TRPV3: variants seen among roughly 807,000 people sequenced by gnomAD.
The protein encoded by TRPV3 is transient receptor potential cation channel subfamily V member 3.
A neutral mutation model predicts 87.1 loss-of-function variants in TRPV3; 88 were observed. The observed-to-expected ratio is 1.01, with a 90% confidence interval of 0.85 to 1.21. TRPV3 has a LOEUF of 1.21. TRPV3 is among the 50% of genes most tolerant of loss of function. The probability of loss-of-function intolerance (pLI) is 0.00; values close to 1 mark genes in which losing one functional copy is unlikely to be tolerated. For synonymous variants in TRPV3, 438 were observed against 423.3 expected (o/e 1.03, Z -0.43); for missense variants, 1,054 against 1,030.1 (o/e 1.02, Z -0.32).
chr17:3,544,554 G>A (rs1295476661), intron 4 of TRPV3, 25 bp downstream of exon 4: 8 of 1,500,048 alleles, frequency 5.3e-6, no homozygotes, highest in Non-Finnish European at 1.8e-6. Context: ...GGGCACAGTG[G>A]GTGGAGGGGG....
At chr17:3,514,566 C>A in intron 17 of TRPV3, 27 bp downstream of exon 17, 2 of 1,555,406 alleles carry the variant, frequency 1.3e-6, no homozygotes. Context: ...CAGGAGCGGA[C>A]ACCATGTCAC....
intron 2 of TRPV3, among the ~76,000 whole-genome samples, chr17:3,551,660 C>G (rs1263254281): frequency 8.0e-6 from 1 of 124,436 alleles, no homozygotes; most frequent in Non-Finnish European, 2.0e-5. Flanking sequence ...CTCCATCAGT[C>G]TGTATCTCTG....
At chr17:3,544,538 C>G (rs1231757883) in intron 4 of TRPV3, 41 bp downstream of exon 4, 5 of 1,335,386 alleles carry the variant, frequency 3.7e-6, no homozygotes, top group Non-Finnish European at 5.3e-6. Flanking sequence ...CACCCCCAGC[C>G]TGGGTGGGCA....
rs2074487425 is a variant in TRPV3, at chr17:3,543,357, A to G, written c.466+117T>C. ...GGAGTCAAGTTCAAAGTCCCTAGCC[A>G]GAATTCAAGGCCCCTCACACTCCAG... On this transcript the variant is annotated intron_variant, in intron 5 of 17. Coordinates refer to ENST00000576742, the MANE Select transcript of TRPV3 (RefSeq NM_145068.4). 8 of 1,344,866 alleles carry G rather than the reference A, an allele frequency of 5.9e-6. No individual in the cohort carries two copies. The East Asian group carries it at 1.8e-4, about 31-fold the overall frequency. 83.3% of individuals were successfully genotyped at this position (1,344,866 alleles called of 1,614,324 possible). A position where few individuals can be genotyped will look rare whatever the true frequency, so the allele number is the denominator to read the frequency against.
At chr17:3,523,633 G>A (rs1461293094) in intron 13 of TRPV3, among the ~76,000 whole-genome samples, 1 of 151,068 alleles carries the variant, frequency 6.6e-6, no homozygotes, top group Non-Finnish European at 1.5e-5. Flanking sequence ...CAGGAGAACT[G>A]CTTGAACCCA....
Position 3,528,090 on chromosome 17 carries a change from C to G in TRPV3, c.1438G>C (p.Gly480Arg), listed in dbSNP as rs777227041. Residue 480 changes from glycine to arginine, a missense_variant, in exon 11 of 18, where the codon GGG becomes CGG. Transcript: ENST00000576742. This position sits in a 1 kb window ranked among gnomAD's most constrained non-coding sequence, Gnocchi z 4.2. ...PHPLALTHKM[G>R]WLQLLGRMFV... ...ATCCTCCCTAGGAGCTGCAGCCACC[C>G]CATCTTGTGCGTCAGGGCCAAGGGG... 16 of 1,613,470 alleles carry G rather than the reference C, an allele frequency of 9.9e-6. No homozygotes were observed. The highest frequency in any genetic ancestry group is 1.3e-5 in the African/African-American group (1 of 74,888).
chr17:3,546,401 C>A (rs2074526148), intron 2 of TRPV3, among the ~76,000 whole-genome samples: 1 of 151,400 alleles, frequency 6.6e-6, no homozygotes, highest in Non-Finnish European at 1.5e-5. Flanking sequence ...GAGATCATGC[C>A]ACTGCACTCC....
rs780249149 is a variant in TRPV3, at chr17:3,543,600, T to C, written c.340A>G (p.Arg114Gly). The change falls in exon 5 of 18, where the codon AGG (arginine) becomes GGG (glycine). Residue 114 changes from arginine to glycine, a missense_variant. Coordinates refer to ENST00000576742, the MANE Select transcript of TRPV3 (RefSeq NM_145068.4). ...CGCTTCTTCAGCCGCCTCTTTTTCCTCCTCTGCTCTTCCTTGGCCAGCTGT... is the reference window on the plus strand; with the variant it reads ...CGCTTCTTCAGCCGCCTCTTTTTCCCCCTCTGCTCTTCCTTGGCCAGCTGT... ...SAQLAKEEQR[R>G]KKRRLKKRIF... The C allele has an allele frequency of 1.9e-6, 3 of 1,614,142 alleles. No individual in the cohort carries two copies. Among genetic ancestry groups the C allele is most frequent in the East Asian group, 2.2e-5 (1 of 44,878 alleles).
At chr17:3,522,553 TC>T (rs1039455453) in intron 13 of TRPV3, among the ~76,000 whole-genome samples, 93 of 149,432 alleles carry the variant, frequency 6.2e-4, no homozygotes, top group East Asian at 1.2e-3. Flanking sequence ...ATTTGTTGAT[TC>T]CCCCCCCCAC....
chr17:3,520,002 A>C, intron 14 of TRPV3, among the ~76,000 whole-genome samples: 1 of 142,648 alleles, frequency 7.0e-6, no homozygotes, highest in South Asian at 2.2e-4. Flanking sequence ...GGATGGATGG[A>C]TGGATGGATG....
At chr17:3,520,629 G>A (rs892830034) in intron 14 of TRPV3, among the ~76,000 whole-genome samples, 1 of 152,156 alleles carries the variant, frequency 6.6e-6, no homozygotes, top group Non-Finnish European at 1.5e-5. Context: ...TGATCGGGGT[G>A]ATGATTCCCA....
intron 5 of TRPV3, 77 bp from the exon 6 acceptor site, chr17:3,542,775 G>A: frequency 6.7e-7 from 1 of 1,489,322 alleles, no homozygotes; most frequent in Non-Finnish European, 9.1e-7. Flanking sequence ...GGGTGTGGTT[G>A]CTGCAGCCGC....
At chr17:3,523,981 C>T (rs888235269) in intron 13 of TRPV3, among the ~76,000 whole-genome samples, 1 of 152,078 alleles carries the variant, frequency 6.6e-6, no homozygotes, top group African/African-American at 2.4e-5. Context: ...AACATTCCTC[C>T]ACAAACTGTA....
At chr17:3,538,170 A>G (rs2074425528) in intron 6 of TRPV3, among the ~76,000 whole-genome samples, 1 of 151,476 alleles carries the variant, frequency 6.6e-6, no homozygotes. Context: ...CAGCCTGGGC[A>G]ATAGAGCAAG....
Position 3,518,614 on chromosome 17 carries a change from T to C in TRPV3, c.2047A>G (p.Asn683Asp). ...LIALMGETVE[N>D]VSKESERIWR... ...ATGCGTTCGCTCTCCTTGGAGACGTTCTCCACAGTCTCGCCCATCAGAGCA... is the reference window on the plus strand; with the variant it reads ...ATGCGTTCGCTCTCCTTGGAGACGTCCTCCACAGTCTCGCCCATCAGAGCA... Residue 683 changes from asparagine (N) to aspartate (D), a missense_variant, in exon 15 of 18, where the codon AAC (asparagine) becomes GAC (aspartate). Asn to Asp is a conservative substitution (Grantham distance 23, BLOSUM62 1). Transcript: ENST00000576742. This position sits in a 1 kb window ranked among gnomAD's most constrained non-coding sequence, Gnocchi z 4.3. 6.4e-7 allele frequency: 1 copy of C among 1,572,012 alleles called. No homozygotes were observed. Among genetic ancestry groups the C allele is most frequent in the African/African-American group, 1.3e-5 (1 of 74,592 alleles).
At chr17:3,537,174 G>A (rs888603960) in intron 6 of TRPV3, among the ~76,000 whole-genome samples, 4 of 152,102 alleles carry the variant, frequency 2.6e-5, no homozygotes, top group Non-Finnish European at 5.9e-5. Context: ...CACCCAGGCT[G>A]GAGTGCAGTG....
At chr17:3,538,125 G>A (rs2074424944) in intron 6 of TRPV3, among the ~76,000 whole-genome samples, 1 of 150,966 alleles carries the variant, frequency 6.6e-6, no homozygotes, top group Non-Finnish European at 1.5e-5. Context: ...GTGAACCCGG[G>A]AGGTGGAGCT....
intron 6 of TRPV3, 118 bp downstream of exon 6, chr17:3,542,404 G>T: frequency 8.6e-7 from 1 of 1,164,322 alleles, no homozygotes; most frequent in Non-Finnish European, 1.2e-6. Context: ...CATGCTACAT[G>T]CTTGGGGCTC....
rs1467065324 is a variant in TRPV3 at position 3,556,658 on chromosome 17, C to T, written c.-3+1018G>A. 1.3e-5 allele frequency among the ~76,000 whole-genome samples: 2 copies of T among 152,164 alleles called. No individual in the cohort carries two copies. Among genetic ancestry groups the T allele is most frequent in the Non-Finnish European group, 2.9e-5 (2 of 68,024 alleles). On this transcript the variant is annotated intron_variant, in intron 1 of 17. Transcript: ENST00000576742. The surrounding 1 kb of genome is among the most constrained non-coding windows in gnomAD (Gnocchi z 4.2). The stretch of plus-strand genomic sequence containing the variant: ...GGAGAGAGTCCCCCGCCCTCCAACT[C>T]AAAGGGAGCAGGCTCAGGATGGAGG...
Sources: allele counts gnomAD v4.1 joint callset (sites outside exome capture counted in the v4.1 genomes callset), GRCh38; gene constraint gnomAD v4.1.1; non-coding constraint Gnocchi (gnomAD v3.1); transcripts MANE v1.5; gene names NCBI Gene and HGNC (gene_info 2026-07-23, HGNC 2026-07-21).